PAM: variants seen among roughly 807,000 people sequenced by gnomAD.
PAM encodes the protein peptidylglycine alpha-amidating monooxygenase, also known as peptidyl-glycine alpha-amidating monooxygenase.
PAM carries 72 observed loss-of-function variants against 122.1 expected under a neutral mutation model. The observed-to-expected ratio is 0.59, with a 90% confidence interval of 0.49 to 0.72. The LOEUF (loss-of-function observed/expected upper bound fraction) is 0.72, where lower values mean the gene tolerates loss of function less well. Ranked by LOEUF, PAM falls within the 30% of genes least tolerant of loss-of-function variation. PAM has a pLI of 0.00. For missense variants in PAM, 1,106 were observed against 1,183.7 expected (o/e 0.93, Z 0.96); for synonymous variants, 389 against 404.4 (o/e 0.96, Z 0.46).
chr5:103,007,013 T>C lies in PAM; in HGVS notation c.2014+2T>C, dbSNP rs2151067195. On this transcript the variant is annotated splice_donor_variant, in intron 19 of 25. Transcript: ENST00000438793. LOFTEE classifies it high-confidence loss of function. ...AGTTCATCACACAGTGGGGAGAAGG[T>C]ACCCAATAAGACTCTTAATCTCCAG... 1.2e-6 allele frequency: 2 copies of C among 1,601,566 alleles called. No individual in the cohort carries two copies. Among genetic ancestry groups the C allele is most frequent in the South Asian group, 1.1e-5 (1 of 90,326 alleles).
chr5:102,832,675 G>A (rs1775811700), intron 1 of PAM, among the ~76,000 whole-genome samples: 1 of 152,068 alleles, frequency 6.6e-6, no homozygotes. Context: ...GAAAAGCAGG[G>A]ACTGCTGTAC....
chr5:102,863,739 T>G (rs988853727), intron 1 of PAM, among the ~76,000 whole-genome samples: 2 of 150,988 alleles, frequency 1.3e-5, no homozygotes. Context: ...GATTATTATA[T>G]GTTCTACATT....
Position 102,867,293 on chromosome 5 carries a change from C to A in PAM, c.110C>A (p.Pro37Gln). 6.2e-7 allele frequency: 1 copy of A among 1,603,028 alleles called. No individual in the cohort carries two copies. The highest frequency in any genetic ancestry group is 1.1e-5 in the South Asian group (1 of 90,712). Residue 37 changes from proline (P) to glutamine (Q), a missense_variant, in exon 3 of 26, where the codon CCA (proline) becomes CAA (glutamine). By Grantham distance (76) the Pro-to-Gln change is moderately conservative. Around this residue, in one of 3 missense-constraint regions of PAM, gnomAD observed 670 missense variants for 690.3 expected, o/e 0.97. Coordinates refer to ENST00000438793, the MANE Select transcript of PAM (RefSeq NM_001177306.2). Reference sequence around the variant, plus strand: ...TTAAGGTTTAAAGAAACTACCAGACCATTTTCCAATGAATGTCTTGGTACC... The same window carrying A: ...TTAAGGTTTAAAGAAACTACCAGACAATTTTCCAATGAATGTCTTGGTACC... Reference protein sequence around the residue: ...VFKRFKETTRPFSNECLGTTR... With the variant: ...VFKRFKETTRQFSNECLGTTR...
chr5:102,906,367 GA>G (rs1246782557), intron 4 of PAM, among the ~76,000 whole-genome samples: 1 of 151,646 alleles, frequency 6.6e-6, no homozygotes, highest in Non-Finnish European at 1.5e-5. Context: ...TCTAGTCAGA[GA>G]AAACTTCATG....
intron 7 of PAM, among the ~76,000 whole-genome samples, chr5:102,927,192 G>C (rs1309936955): frequency 6.6e-6 from 1 of 152,152 alleles, no homozygotes; most frequent in Non-Finnish European, 1.5e-5. Flanking sequence ...AGATAATGCT[G>C]AACACTCCCC....
intron 20 of PAM, 74 bp from the exon 21 acceptor site, chr5:103,009,677 A>G (rs1780047240): frequency 3.7e-6 from 3 of 814,136 alleles, no homozygotes; most frequent in Non-Finnish European, 6.5e-6. Flanking sequence ...TTCTTTGCAT[A>G]ATATACATGG....
chr5:102,842,056 G>A (rs1778785178), intron 1 of PAM, among the ~76,000 whole-genome samples: 1 of 151,988 alleles, frequency 6.6e-6, no homozygotes, highest in Admixed American at 6.6e-5. Flanking sequence ...TTTCAGATGG[G>A]TCCAAACATT....
At chr5:102,854,213 G>T (rs1715403969) in intron 1 of PAM, among the ~76,000 whole-genome samples, 2 of 152,092 alleles carry the variant, frequency 1.3e-5, no homozygotes, top group South Asian at 4.1e-4. Flanking sequence ...TTAAAATGCT[G>T]CCTGGCATAT....
At chr5:102,934,910 T>C (rs1752770480) in intron 7 of PAM, among the ~76,000 whole-genome samples, 1 of 152,170 alleles carries the variant, frequency 6.6e-6, no homozygotes. Flanking sequence ...AATTCCAGTA[T>C]TAGAACAAAG....
At chr5:102,954,946 T>C (rs1760230275) in intron 12 of PAM, among the ~76,000 whole-genome samples, 2 of 152,252 alleles carry the variant, frequency 1.3e-5, no homozygotes, top group South Asian at 4.1e-4. Context: ...TTTTTAAATA[T>C]ATTACATGCA....
chr5:102,849,082 A>C (rs917424366), intron 1 of PAM, among the ~76,000 whole-genome samples: 4 of 152,190 alleles, frequency 2.6e-5, no homozygotes, highest in African/African-American at 9.7e-5. Context: ...TCAGAATGGC[A>C]CCTGAATTCT....
At chr5:102,947,543 G>A (rs1757441188) in intron 8 of PAM, among the ~76,000 whole-genome samples, 1 of 152,066 alleles carries the variant, frequency 6.6e-6, no homozygotes, top group African/African-American at 2.4e-5. Context: ...ATGGGAAGGA[G>A]GTGAGGGATA....
intron 7 of PAM, among the ~76,000 whole-genome samples, chr5:102,927,231 CTATGCACTT>C (rs1024162856): frequency 6.6e-6 from 1 of 152,166 alleles, no homozygotes; most frequent in African/African-American, 2.4e-5. Context: ...CCAGTGATCG[CTATGCACTT>C]TATTTAAATG....
At chr5:102,817,773 C>CT (rs1770380200) in intron 1 of PAM, among the ~76,000 whole-genome samples, 1 of 152,020 alleles carries the variant, frequency 6.6e-6, no homozygotes, top group Non-Finnish European at 1.5e-5. Flanking sequence ...ACTCCAGAGG[C>CT]TTCTCATCTT....
chr5:102,878,848 TA>T, intron 3 of PAM, among the ~76,000 whole-genome samples: 1 of 152,288 alleles, frequency 6.6e-6, no homozygotes, highest in African/African-American at 2.4e-5. Flanking sequence ...TCAAAAAGTT[TA>T]AAAATTAATA....
intron 12 of PAM, among the ~76,000 whole-genome samples, chr5:102,953,886 G>A (rs1759820127): frequency 6.6e-6 from 1 of 152,028 alleles, no homozygotes; most frequent in South Asian, 2.1e-4. Flanking sequence ...GATGGCGGAT[G>A]CCCATAATCC....
chr5:102,983,008 AAG>A (rs1222390972), intron 15 of PAM, among the ~76,000 whole-genome samples: 6 of 152,158 alleles, frequency 3.9e-5, no homozygotes, highest in Admixed American at 2.6e-4. Context: ...AAATTTGACA[AAG>A]AGATATTATA....
chr5:103,006,724 A>G, intron 18 of PAM, 77 bp from the exon 19 acceptor site: 1 of 918,856 alleles, frequency 1.1e-6, no homozygotes, highest in Non-Finnish European at 1.7e-6. Context: ...TTGCTTGTGA[A>G]AGTGGTCTTA....
intron 23 of PAM, among the ~76,000 whole-genome samples, 187 bp from the exon 24 acceptor site, chr5:103,024,944 G>C (rs1311541190): frequency 6.6e-6 from 1 of 152,144 alleles, no homozygotes; most frequent in African/African-American, 2.4e-5. Flanking sequence ...AAACCATTCA[G>C]TGGAAATAAC....
Sources: gnomAD v4.1 joint callset for allele counts (sites outside exome capture counted in the v4.1 genomes callset) on GRCh38, gnomAD v4.1.1 for gene constraint, gnomAD v4.1.1 regional missense constraint, MANE v1.5 for transcripts, NCBI Gene and HGNC (gene_info 2026-07-23, HGNC 2026-07-21) for gene names.